Variants in STK38L observed in about 807,000 individuals in gnomAD.
STK38L encodes the protein serine/threonine-protein kinase 38-like.
STK38L carries 28 observed loss-of-function variants against 59.7 expected under a neutral mutation model. That is an observed-to-expected ratio of 0.47 (90% CI 0.35 to 0.64). The LOEUF (loss-of-function observed/expected upper bound fraction) is 0.64. Ranked by LOEUF, STK38L falls within the 30% of genes least tolerant of loss-of-function variation. The pLI, the probability that STK38L is intolerant of heterozygous loss-of-function variation, is 0.01. For synonymous variants in STK38L, 162 were observed against 176.8 expected (o/e 0.92, Z 0.66); for missense variants, 314 against 555.8 (o/e 0.56, Z 4.37).
rs1944542069 is a variant in STK38L at position 27,314,675 on chromosome 12, GTGAATTACTAGGCTGT to G, written c.672+21_672+36del. 6.3e-7 allele frequency: 1 copy of G among 1,576,108 alleles called. No homozygotes were observed. Among genetic ancestry groups the G allele is most frequent in the African/African-American group, 1.4e-5 (1 of 72,980 alleles). The stretch of plus-strand genomic sequence containing the variant: ...GATGCCAAGGCATGTGAATAAACTG[GTGAATTACTAGGCTGT>G]TGATTATTTTTTAGAGCAGTAGGGC... On this transcript the variant is annotated intron_variant, in intron 7 of 13. Coordinates refer to ENST00000389032, the MANE Select transcript of STK38L (RefSeq NM_015000.4).
At position 27,322,432 on chromosome 12, in the gene STK38L, T is replaced by C. The variant is rs1165841350; in HGVS notation, c.1372T>C (p.Tyr458His). 1.9e-6 allele frequency: 3 copies of C among 1,613,120 alleles called. No individual in the cohort carries two copies. The South Asian group carries it at 3.3e-5, about 18-fold the overall frequency. The part of the protein sequence containing the change: ...GLTQRGSIPT[Y>H]MKAGKL ...GACTCAACGTGGCTCTATCCCCACC[T>C]ACATGAAAGCTGGGAAGTTATGAAT... is the stretch of plus-strand genomic sequence containing the variant. Residue 458 changes from tyrosine to histidine, a missense_variant, in exon 14 of 14, where the codon TAC becomes CAC. This residue lies in a region of STK38L where 94 missense variants were observed against 142.2 expected (regional missense o/e 0.66). Coordinates refer to ENST00000389032, the MANE Select transcript of STK38L (RefSeq NM_015000.4).
chr12:27,301,247 G>C (rs184277472), intron 2 of STK38L, among the ~76,000 whole-genome samples: 3 of 152,250 alleles, frequency 2.0e-5, no homozygotes, highest in East Asian at 1.9e-4. Flanking sequence ...CTGGTAGCTA[G>C]TGGGTTTTTA....
chr12:27,278,084 A>G (rs1181789706), intron 1 of STK38L, among the ~76,000 whole-genome samples: 2 of 152,238 alleles, frequency 1.3e-5, no homozygotes, highest in South Asian at 2.1e-4. Flanking sequence ...CATTGGGTTA[A>G]TCTAGTGCTG....
intron 1 of STK38L, among the ~76,000 whole-genome samples, chr12:27,261,936 C>T (rs932896987): frequency 2.6e-4 from 39 of 152,330 alleles, no homozygotes; most frequent in African/African-American, 9.4e-4. Flanking sequence ...ATATGGCATA[C>T]AGTTCTGTTT....
At chr12:27,275,625 C>CCA (rs1403584008) in intron 1 of STK38L, among the ~76,000 whole-genome samples, 1 of 152,164 alleles carries the variant, frequency 6.6e-6, no homozygotes, top group Non-Finnish European at 1.5e-5. Context: ...AGGCATGAGC[C>CCA]ACCACGCCCG....
chr12:27,310,778 T>A (rs1449941588), intron 5 of STK38L, among the ~76,000 whole-genome samples: 2 of 152,188 alleles, frequency 1.3e-5, no homozygotes, highest in Admixed American at 6.5e-5. Flanking sequence ...TTAAGGAGCC[T>A]CTGGACCACT....
intron 1 of STK38L, among the ~76,000 whole-genome samples, chr12:27,284,453 G>A (rs1943726628): frequency 6.6e-6 from 1 of 152,178 alleles, no homozygotes; most frequent in Admixed American, 6.5e-5. Flanking sequence ...ACTTAATGGT[G>A]ACCACCTTCT....
chr12:27,283,681 A>T (rs1591889149), intron 1 of STK38L, among the ~76,000 whole-genome samples: 1 of 152,212 alleles, frequency 6.6e-6, no homozygotes, highest in Non-Finnish European at 1.5e-5. Flanking sequence ...TACATGAAAC[A>T]TTTTATTTTT....
chr12:27,322,536 T>G lies in STK38L; in HGVS notation c.*81T>G. The G allele has an allele frequency of 6.5e-7, 1 of 1,528,892 alleles. No individual in the cohort carries two copies. The highest frequency in any genetic ancestry group is 1.3e-5 in the South Asian group (1 of 77,250). The allele number at this position is 1,528,892 out of a possible 1,614,324, so 94.7% of individuals were successfully genotyped here. A position where few individuals can be genotyped will look rare whatever the true frequency, so the allele number is the denominator to read the frequency against. ...TTGCTTGGCGTAGATAACAATACAC[T>G]GAAATACTCCTGAAGATGGTGGTGC... On this transcript the variant is annotated 3_prime_UTR_variant, in exon 14 of 14. Transcript: ENST00000389032.
At chr12:27,312,071 G>T (rs1944468128) in intron 5 of STK38L, among the ~76,000 whole-genome samples, 1 of 152,116 alleles carries the variant, frequency 6.6e-6, no homozygotes, top group East Asian at 1.9e-4. Flanking sequence ...AGTAGAGACG[G>T]GGTTTCACCG....
intron 1 of STK38L, among the ~76,000 whole-genome samples, chr12:27,291,313 C>G (rs181759195): frequency 3.8e-4 from 58 of 152,260 alleles, no homozygotes; most frequent in African/African-American, 1.4e-3. Flanking sequence ...CAGTGTATTT[C>G]ATGCCTTACA....
intron 5 of STK38L, among the ~76,000 whole-genome samples, chr12:27,310,486 G>A (rs571471459): frequency 6.6e-6 from 1 of 152,244 alleles, no homozygotes; most frequent in South Asian, 2.1e-4. Context: ...CAGCTGTAGT[G>A]TAGATACCAG....
intron 12 of STK38L, among the ~76,000 whole-genome samples, chr12:27,320,004 C>T (rs949908557): frequency 2.0e-5 from 3 of 152,210 alleles, no homozygotes; most frequent in Non-Finnish European, 4.4e-5. Flanking sequence ...AGTTAAGAAG[C>T]CTTCACTGCT....
chr12:27,258,565 G>A (rs562030642), intron 1 of STK38L, among the ~76,000 whole-genome samples: 32 of 152,324 alleles, frequency 2.1e-4, no homozygotes, highest in African/African-American at 7.5e-4. Context: ...CTGACCTCAG[G>A]TGATGTGCCC....
rs140119969 is a variant in STK38L, at chr12:27,288,826, G to A, written c.-11-8884G>A. Among the ~76,000 whole-genome samples the A allele has an allele frequency of 3.8e-3, 573 of 150,622 alleles. 3 individuals carry two copies. The highest frequency in any genetic ancestry group is 0.013 in the African/African-American group (547 of 40,902). On this transcript the variant is annotated intron_variant, in intron 1 of 13. Transcript: ENST00000389032. ...CTCACTCTGGTCTCCCCTCACCTTC[G>A]TTACCCATCATCTCCCTCCCCCCTG...
At chr12:27,306,227 A>G (rs1020411747) in intron 3 of STK38L, among the ~76,000 whole-genome samples, 1 of 152,210 alleles carries the variant, frequency 6.6e-6, no homozygotes, top group Non-Finnish European at 1.5e-5. Context: ...GAAACTGTGT[A>G]TAGTGATGTC....
At chr12:27,306,748 C>CACACACACACACACAT (rs1944324945) in intron 3 of STK38L, among the ~76,000 whole-genome samples, 1 of 149,908 alleles carries the variant, frequency 6.7e-6, no homozygotes, top group African/African-American at 2.5e-5. Context: ...CACACACACA[C>CACACACACACACACAT]ACACATATAT....
chr12:27,319,429 T>A lies in STK38L; in HGVS notation c.1175+6T>A. 1 of 1,604,296 alleles carries A rather than the reference T, an allele frequency of 6.2e-7. No homozygotes were observed. Among genetic ancestry groups the A allele is most frequent in the Middle Eastern group, 1.7e-4 (1 of 6,040 alleles). ...GTCGACTGGGAGCACATAAGGTATG[T>A]TCCTAGGCTTTGAATGGGAAAGGTC... On this transcript the variant is annotated splice_donor_region_variant and intron_variant, in intron 12 of 13. Coordinates refer to ENST00000389032, the MANE Select transcript of STK38L (RefSeq NM_015000.4).
intron 1 of STK38L, among the ~76,000 whole-genome samples, chr12:27,252,198 C>G (rs1041622027): frequency 1.3e-5 from 2 of 152,222 alleles, no homozygotes; most frequent in Non-Finnish European, 1.5e-5. Context: ...CCAGGATGGT[C>G]TCAATCTCCT....
Sources: gnomAD v4.1 joint callset for allele counts (sites outside exome capture counted in the v4.1 genomes callset) on GRCh38, gnomAD v4.1.1 for gene constraint, gnomAD v4.1.1 regional missense constraint, MANE v1.5 for transcripts, NCBI Gene and HGNC (gene_info 2026-07-23, HGNC 2026-07-21) for gene names.